GFRA1: variants seen among roughly 807,000 people sequenced by gnomAD.
GFRA1 encodes the protein GDNF family receptor alpha-1.
In GFRA1, 16 loss-of-function variants were observed where a neutral mutation model predicts 51.6. The ratio of observed to expected loss-of-function variants is 0.31; its 90% confidence interval spans 0.21 to 0.47. The LOEUF (loss-of-function observed/expected upper bound fraction) is 0.47, where lower values mean the gene tolerates loss of function less well. Ranked by LOEUF, GFRA1 falls within the 20% of genes least tolerant of loss-of-function variation. The probability of loss-of-function intolerance (pLI) is 1.00; values close to 1 mark genes in which losing one functional copy is unlikely to be tolerated. For synonymous variants in GFRA1, 270 were observed against 241.3 expected (o/e 1.12, Z -1.10); for missense variants, 530 against 594.3 (o/e 0.89, Z 1.13).
chr10:116,258,797 A>G (rs1376723552), intron 4 of GFRA1, among the ~76,000 whole-genome samples: 1 of 152,236 alleles, frequency 6.6e-6, no homozygotes, highest in Admixed American at 6.5e-5. Context: ...ACAAGGCTTA[A>G]GCAAGTTATG....
At chr10:116,274,126 A>G (rs1589932780), upstream of GFRA1, among the ~76,000 whole-genome samples, 1 of 151,726 alleles carries the variant, frequency 6.6e-6, no homozygotes, top group Non-Finnish European at 1.5e-5. Context: ...CTTCGCCCCA[A>G]CCCCTGGGAC....
chr10:116,093,332 A>G (rs1956432085), intron 8 of GFRA1, among the ~76,000 whole-genome samples: 1 of 152,094 alleles, frequency 6.6e-6, no homozygotes, highest in African/African-American at 2.4e-5. Flanking sequence ...TTTGGAACAG[A>G]CTCTCCGCAG....
chr10:116,096,931 T>TA, intron 6 of GFRA1, among the ~76,000 whole-genome samples, 167 bp from the exon 7 acceptor site: 2 of 152,070 alleles, frequency 1.3e-5, no homozygotes, highest in South Asian at 4.2e-4. Context: ...AAACGTGAGC[T>TA]AAGAAACTGT....
chr10:116,161,306 G>C (rs182288582), intron 5 of GFRA1, among the ~76,000 whole-genome samples: 1 of 152,250 alleles, frequency 6.6e-6, no homozygotes, highest in East Asian at 1.9e-4. Context: ...TATTTGATGT[G>C]CTATGTTTTT....
Position 116,214,925 on chromosome 10 carries a change from G to A in GFRA1, c.419-3280C>T, listed in dbSNP as rs536398376. On this transcript the variant is annotated intron_variant, in intron 4 of 10. Coordinates refer to ENST00000355422, the MANE Select transcript of GFRA1 (RefSeq NM_005264.8). ...ACATGGAGTAACTATTTGTATCTTC[G>A]ATTCCAAAAACTCACAGTAGCTATT... Among the ~76,000 whole-genome samples the A allele has an allele frequency of 3.9e-5, 6 of 152,210 alleles. No individual in the cohort carries two copies. In the South Asian group the frequency reaches 8.3e-4, roughly 21 times the overall value.
At chr10:116,167,742 C>A (rs1960621513) in intron 5 of GFRA1, among the ~76,000 whole-genome samples, 1 of 152,134 alleles carries the variant, frequency 6.6e-6, no homozygotes, top group African/African-American at 2.4e-5. Context: ...TAGGGAGGAT[C>A]CCAGGAGATA....
At chr10:116,099,159 G>A (rs928370135) in intron 6 of GFRA1, among the ~76,000 whole-genome samples, 3 of 152,174 alleles carry the variant, frequency 2.0e-5, no homozygotes, top group Non-Finnish European at 4.4e-5. Context: ...TTTATACAGC[G>A]CTATGCTGGG....
At chr10:116,067,152 GGAATT>G (rs1429379160) in intron 9 of GFRA1, among the ~76,000 whole-genome samples, 4 of 152,144 alleles carry the variant, frequency 2.6e-5, no homozygotes, top group African/African-American at 9.7e-5. Flanking sequence ...AATTGGAAGA[GGAATT>G]GAACCTGATT....
intron 6 of GFRA1, among the ~76,000 whole-genome samples, chr10:116,124,059 C>A (rs963540715): frequency 1.3e-5 from 2 of 152,156 alleles, no homozygotes; most frequent in Admixed American, 6.5e-5. Context: ...CATGCACTAC[C>A]ACGCCTGGCT....
chr10:116,192,194 C>T (rs1170180919), intron 5 of GFRA1, among the ~76,000 whole-genome samples: 1 of 152,142 alleles, frequency 6.6e-6, no homozygotes, highest in Admixed American at 6.5e-5. Flanking sequence ...TGAATGGGCA[C>T]CCCCATCCCC....
chr10:116,125,487 C>G lies in GFRA1; in HGVS notation c.504G>C (p.Lys168Asn). Residue 168 changes from lysine to asparagine, a missense_variant, in exon 6 of 11, where the codon AAG becomes AAC. Transcript: ENST00000355422. ...AKACNLDDIC[K>N]KYRSAYITPC... ...GGGTGATGTACGCCGACCTGTACTT[C>G]TTGCAAATGTCGTCGAGGTTGCAGG... 6.2e-7 allele frequency: 1 copy of G among 1,614,200 alleles called. No homozygotes were observed. Among genetic ancestry groups the G allele is most frequent in the Non-Finnish European group, 8.5e-7 (1 of 1,180,028 alleles).
At chr10:116,171,251 T>A (rs1960995055) in intron 5 of GFRA1, among the ~76,000 whole-genome samples, 1 of 152,210 alleles carries the variant, frequency 6.6e-6, no homozygotes, top group South Asian at 2.1e-4. Context: ...ATGCATTTAT[T>A]TCCGACGTAG....
intron 4 of GFRA1, among the ~76,000 whole-genome samples, chr10:116,250,628 C>G (rs2134689849): frequency 6.6e-6 from 1 of 152,310 alleles, no homozygotes; most frequent in East Asian, 1.9e-4. Flanking sequence ...CACAAAGTCT[C>G]TGGTCCAGAC....
At chr10:116,159,338 G>C (rs779025542) in intron 5 of GFRA1, among the ~76,000 whole-genome samples, 7 of 152,278 alleles carry the variant, frequency 4.6e-5, no homozygotes, top group Admixed American at 2.0e-4. Context: ...GAATAAAGAG[G>C]TCACTGGGTC....
At position 116,272,342 on chromosome 10, in the gene GFRA1, T is replaced by C; in HGVS notation, c.-246-67A>G. The C allele has an allele frequency of 2.1e-6, 1 of 480,468 alleles. No homozygotes were observed. The allele number at this position is 480,468 out of a possible 1,614,324, so 29.8% of individuals were successfully genotyped here. A position where few individuals can be genotyped will look rare whatever the true frequency, so the allele number is the denominator to read the frequency against. On this transcript the variant is annotated intron_variant, in intron 1 of 10. Transcript: ENST00000355422. The surrounding 1 kb of genome is among the most constrained non-coding windows in gnomAD (Gnocchi z 4.4). ...CGGAGACTCCCCCCACAGAACCCTC[T>C]CCCCTCCCCCGTTCCCGCCTTTGGG...
chr10:116,213,994 G>C (rs1231134994), intron 4 of GFRA1, among the ~76,000 whole-genome samples: 1 of 152,186 alleles, frequency 6.6e-6, no homozygotes, highest in Non-Finnish European at 1.5e-5. Flanking sequence ...ACACTATACA[G>C]TAGTCTCTAA....
chr10:116,235,342 G>C (rs1966854600), intron 4 of GFRA1, among the ~76,000 whole-genome samples: 1 of 152,170 alleles, frequency 6.6e-6, no homozygotes, highest in Admixed American at 6.5e-5. Context: ...TCCTTTCACA[G>C]GAAACGAATC....
chr10:116,137,943 G>A (rs1305964743), intron 5 of GFRA1, among the ~76,000 whole-genome samples: 5 of 151,848 alleles, frequency 3.3e-5, no homozygotes, highest in African/African-American at 4.8e-5. Flanking sequence ...CTGGGATTAC[G>A]GATGCCCAAC....
intron 9 of GFRA1, among the ~76,000 whole-genome samples, chr10:116,085,562 A>T (rs1164978352): frequency 2.6e-5 from 4 of 152,164 alleles, no homozygotes; most frequent in Admixed American, 1.3e-4. Context: ...GGAGACAGCC[A>T]TGCAGGCAGA....
Sources: gnomAD v4.1 joint callset for allele counts (sites outside exome capture counted in the v4.1 genomes callset) on GRCh38, gnomAD v4.1.1 for gene constraint, Gnocchi (gnomAD v3.1) non-coding constraint, MANE v1.5 for transcripts, NCBI Gene and HGNC (gene_info 2026-07-23, HGNC 2026-07-21) for gene names.